DNAH5: variants seen among roughly 807,000 people sequenced by gnomAD.
DNAH5 encodes the protein dynein axonemal heavy chain 5, also known as axonemal beta dynein heavy chain 5.
A neutral mutation model predicts 518.2 loss-of-function variants in DNAH5; 372 were observed. The ratio of observed to expected loss-of-function variants is 0.72; its 90% CI spans 0.66 to 0.78. DNAH5 has a LOEUF of 0.78. Among genes scored for constraint, DNAH5 ranks in the 30% least tolerant of loss-of-function variants. The pLI, the probability that DNAH5 is intolerant of heterozygous loss-of-function variation, is 0.00. For missense variants in DNAH5, 5,523 were observed against 5,687.0 expected, an observed-to-expected ratio of 0.97 and a Z score of 0.93; for synonymous variants, 2,039 against 2,025.9, an observed-to-expected ratio of 1.01 and a Z score of -0.17.
chr5:13,931,371 A>C, intron 1 of DNAH5, 127 bp from the exon 2 acceptor site: 1 of 980,226 alleles, frequency 1.0e-6, no homozygotes, highest in South Asian at 1.5e-5. Flanking sequence ...GCTTAATGGT[A>C]CCAATTTTTA....
At position 13,809,136 on chromosome 5, in the gene DNAH5, C is replaced by T. The variant is rs774033526; in HGVS notation, c.7660G>A (p.Asp2554Asn). ...TRTQEYLYPS[D>N]TTPEYGSILV... The stretch of plus-strand genomic sequence containing the variant: ...ATAGAACCATACTCTGGGGTGGTAT[C>T]AGACGGATACAGGTATTCCTGGGTA... Residue 2554 changes from aspartate to asparagine, a missense_variant, in exon 46 of 79, where the codon GAT becomes AAT. This residue lies in a region of DNAH5 where 5,121 missense variants were observed against 5,223.3 expected (regional missense o/e 0.98). Coordinates refer to ENST00000265104, the MANE Select transcript of DNAH5 (RefSeq NM_001369.3). 1 of 1,614,176 alleles carries T rather than the reference C, an allele frequency of 6.2e-7. No individual in the cohort carries two copies. Among genetic ancestry groups the T allele is most frequent in the South Asian group, 1.1e-5 (1 of 91,080 alleles).
chr5:13,930,558 G>A (rs959155448), intron 2 of DNAH5, among the ~76,000 whole-genome samples: 1 of 151,994 alleles, frequency 6.6e-6, no homozygotes, highest in African/African-American at 2.4e-5. Context: ...TTTTCTCACT[G>A]CCCAGGAAAT....
intron 1 of DNAH5, among the ~76,000 whole-genome samples, chr5:13,937,075 A>G (rs1343653470): frequency 6.6e-6 from 1 of 151,996 alleles, no homozygotes; most frequent in African/African-American, 2.4e-5. Context: ...GGAAATCAAG[A>G]CTATGGACCA....
intron 65 of DNAH5, among the ~76,000 whole-genome samples, chr5:13,740,873 T>C (rs1337872432): frequency 6.6e-6 from 1 of 152,208 alleles, no homozygotes; most frequent in Non-Finnish European, 1.5e-5. Flanking sequence ...GTACCTTTTA[T>C]GGCATTTACC....
chr5:13,952,643 C>A (rs955539894), intron 1 of DNAH5, among the ~76,000 whole-genome samples: 1 of 152,196 alleles, frequency 6.6e-6, no homozygotes, highest in Non-Finnish European at 1.5e-5. Context: ...TTTATAATCC[C>A]ATCCAGGACC....
At chr5:13,798,832 T>C (rs1036704614) in intron 47 of DNAH5, among the ~76,000 whole-genome samples, 4 of 151,812 alleles carry the variant, frequency 2.6e-5, no homozygotes, top group East Asian at 1.9e-4. Flanking sequence ...TGGAGTGCAA[T>C]GTTGGCTAAC....
chr5:13,939,586 G>GCCC, intron 1 of DNAH5, among the ~76,000 whole-genome samples: 1 of 151,954 alleles, frequency 6.6e-6, no homozygotes, highest in East Asian at 1.9e-4. Context: ...AACCCACAGG[G>GCCC]CCCCGTCTCC....
intron 1 of DNAH5, among the ~76,000 whole-genome samples, chr5:13,963,422 A>G (rs1307067091): frequency 6.6e-6 from 1 of 152,072 alleles, no homozygotes; most frequent in Non-Finnish European, 1.5e-5. Flanking sequence ...TACTAAAAAT[A>G]CAAAAATTAG....
intron 35 of DNAH5, 111 bp downstream of exon 35, chr5:13,839,245 C>T: frequency 1.0e-6 from 1 of 953,416 alleles, no homozygotes; most frequent in African/African-American, 1.6e-5. Context: ...TACTAAATTT[C>T]AAAGGTTTTA....
chr5:13,718,735 C>A, intron 72 of DNAH5, 147 bp downstream of exon 72: 1 of 722,746 alleles, frequency 1.4e-6, no homozygotes, highest in Admixed American at 2.1e-5. Flanking sequence ...GGGACATATT[C>A]ACAAAAGAGG....
intron 61 of DNAH5, among the ~76,000 whole-genome samples, chr5:13,758,626 C>T (rs1002673657): frequency 1.3e-5 from 2 of 152,210 alleles, no homozygotes; most frequent in South Asian, 2.1e-4. Flanking sequence ...GCTGTCATCA[C>T]TACCAACACC....
At position 13,824,203 on chromosome 5, in the gene DNAH5, T is replaced by C. The variant is rs1004296804; in HGVS notation, c.6575A>G (p.Lys2192Arg). Residue 2192 changes from lysine to arginine, a missense_variant, in exon 39 of 79, where the codon AAA becomes AGA. By Grantham distance (26) the Lys-to-Arg change is conservative. Coordinates refer to ENST00000265104, the MANE Select transcript of DNAH5 (RefSeq NM_001369.3). ...ACTTCCATCTGTGAGTCTTACCAGT[T>C]TAGAAAGATTCATGTCCCGTAGTAC... The part of the protein sequence containing the change: ...MRVLRDMNLS[K>R]LIDEDEPLFL... The C allele has an allele frequency of 6.2e-6, 10 of 1,613,848 alleles. No homozygotes were observed. Among genetic ancestry groups the C allele is most frequent in the Non-Finnish European group, 7.6e-6 (9 of 1,179,966 alleles).
At chr5:13,983,915 TG>T (rs1170384041) in intron 1 of DNAH5, among the ~76,000 whole-genome samples, 1 of 152,212 alleles carries the variant, frequency 6.6e-6, no homozygotes, top group Admixed American at 6.5e-5. Flanking sequence ...AGCAGACTAC[TG>T]GCCCCCAAAG....
chr5:13,790,258 T>G (rs1756742510), intron 50 of DNAH5, among the ~76,000 whole-genome samples: 1 of 152,210 alleles, frequency 6.6e-6, no homozygotes, highest in Non-Finnish European at 1.5e-5. Context: ...GAATGTTCAT[T>G]GCAGCACTAT....
intron 1 of DNAH5, among the ~76,000 whole-genome samples, chr5:13,996,055 C>T (rs1030246258): frequency 5.9e-5 from 9 of 152,146 alleles, no homozygotes; most frequent in Admixed American, 2.0e-4. Flanking sequence ...ATAGCCTTGA[C>T]GGTAGAAAAT....
At chr5:13,750,180 C>T (rs1405978206) in intron 65 of DNAH5, among the ~76,000 whole-genome samples, 1 of 152,086 alleles carries the variant, frequency 6.6e-6, no homozygotes, top group East Asian at 1.9e-4. Context: ...GAGGGACAGA[C>T]CCCAAAGACT....
intron 1 of DNAH5, among the ~76,000 whole-genome samples, chr5:13,969,226 C>G (rs1279755287): frequency 6.6e-6 from 1 of 152,072 alleles, no homozygotes; most frequent in Non-Finnish European, 1.5e-5. Flanking sequence ...TAATTAATCT[C>G]ACTAATGGTT....
At chr5:13,790,623 A>G (rs971522193) in intron 50 of DNAH5, among the ~76,000 whole-genome samples, 1 of 152,168 alleles carries the variant, frequency 6.6e-6, no homozygotes, top group Non-Finnish European at 1.5e-5. Flanking sequence ...TTATGGTTTT[A>G]TAAGAGGCTC....
chr5:13,992,703 C>T (rs1022351965), intron 1 of DNAH5, among the ~76,000 whole-genome samples: 2 of 152,182 alleles, frequency 1.3e-5, no homozygotes, highest in Non-Finnish European at 2.9e-5. Flanking sequence ...CGGTATTCCA[C>T]TCTCCTCTAA....
Sources: gnomAD v4.1 joint callset for allele counts (sites outside exome capture counted in the v4.1 genomes callset) on GRCh38, gnomAD v4.1.1 for gene constraint, gnomAD v4.1.1 regional missense constraint, MANE v1.5 for transcripts, NCBI Gene and HGNC (gene_info 2026-07-23, HGNC 2026-07-21) for gene names.